The following GRM7 variants were observed in gnomAD, a reference collection of about 807,000 sequenced individuals.
GRM7 encodes the protein metabotropic glutamate receptor 7.
In GRM7, 35 loss-of-function variants were observed where a neutral mutation model predicts 84.5. That is an observed-to-expected ratio of 0.41 (90% CI 0.32 to 0.55). The LOEUF is 0.55. Among genes scored for constraint, GRM7 ranks in the 20% least tolerant of loss-of-function variants. The pLI is 0.19. For missense variants in GRM7, 1,003 were observed against 1,194.6 expected (o/e 0.84, Z 2.36); for synonymous variants, 487 against 455.1 (o/e 1.07, Z -0.89).
At chr3:7,175,691 T>C (rs1222178308) in intron 2 of GRM7, among the ~76,000 whole-genome samples, 2 of 152,038 alleles carry the variant, frequency 1.3e-5, no homozygotes, top group Non-Finnish European at 2.9e-5. Flanking sequence ...GCAGGTGCCA[T>C]CACTCCTAGC....
At chr3:7,186,129 GCTGA>G (rs1022805224) in intron 2 of GRM7, among the ~76,000 whole-genome samples, 2 of 152,204 alleles carry the variant, frequency 1.3e-5, no homozygotes, top group Non-Finnish European at 2.9e-5. Flanking sequence ...TCTACAGTGA[GCTGA>G]CTGTGTAAAC....
intron 1 of GRM7, among the ~76,000 whole-genome samples, chr3:6,887,520 G>A (rs979264621): frequency 2.6e-5 from 4 of 152,108 alleles, no homozygotes; most frequent in African/African-American, 4.8e-5. Flanking sequence ...TGAGAATGAT[G>A]ATTTCCAATT....
chr3:7,088,785 A>G (rs1425634443), intron 1 of GRM7, among the ~76,000 whole-genome samples: 2 of 150,214 alleles, frequency 1.3e-5, no homozygotes, highest in East Asian at 3.9e-4. Context: ...CAAAGATTTA[A>G]GGATTCACAA....
intron 4 of GRM7, among the ~76,000 whole-genome samples, chr3:7,361,462 C>G (rs1693660925): frequency 1.3e-5 from 2 of 152,086 alleles, no homozygotes; most frequent in South Asian, 2.1e-4. Context: ...TAGTTTCATT[C>G]CTGTTCTTTT....
chr3:7,516,476 C>CAAAAAAAAAAA (rs34508559), intron 7 of GRM7, among the ~76,000 whole-genome samples: 7 of 42,472 alleles, frequency 1.6e-4, no homozygotes, highest in Non-Finnish European at 2.7e-4. Context: ...GACTCCCTCT[C>CAAAAAAAAAAA]AAAAAAAAAA....
intron 8 of GRM7, among the ~76,000 whole-genome samples, chr3:7,644,231 T>C (rs1698518497): frequency 1.3e-5 from 2 of 148,408 alleles, no homozygotes; most frequent in Admixed American, 6.8e-5. Context: ...TGTGTGTGTC[T>C]GTACATATAT....
intron 1 of GRM7, among the ~76,000 whole-genome samples, chr3:6,977,366 T>A (rs888491499): frequency 6.6e-5 from 10 of 151,378 alleles, no homozygotes; most frequent in African/African-American, 2.4e-4. Flanking sequence ...TGTGTTTGTC[T>A]GTGTGTGTGT....
chr3:7,185,602 G>T (rs1005902988), intron 2 of GRM7, among the ~76,000 whole-genome samples: 1 of 152,102 alleles, frequency 6.6e-6, no homozygotes, highest in Non-Finnish European at 1.5e-5. Context: ...ATGTTGTCTA[G>T]GCACCCTTCT....
chr3:7,702,087 C>T (rs1424497942), intron 9 of GRM7, among the ~76,000 whole-genome samples: 1 of 152,170 alleles, frequency 6.6e-6, no homozygotes, highest in Non-Finnish European at 1.5e-5. Flanking sequence ...CTTCTTCAAC[C>T]TAGAGGCAGG....
chr3:6,925,374 C>T (rs1230938380), intron 1 of GRM7, among the ~76,000 whole-genome samples: 1 of 152,158 alleles, frequency 6.6e-6, no homozygotes, highest in Non-Finnish European at 1.5e-5. Context: ...CAGCACCCTT[C>T]TCAAAAGAGT....
intron 2 of GRM7, among the ~76,000 whole-genome samples, chr3:7,200,660 G>A (rs1234558329): frequency 1.3e-5 from 2 of 152,144 alleles, no homozygotes; most frequent in Non-Finnish European, 2.9e-5. Context: ...GGTCTGAGGT[G>A]GAGCATGAGA....
At chr3:7,676,792 TG>T (rs1389856763) in intron 8 of GRM7, among the ~76,000 whole-genome samples, 4 of 152,218 alleles carry the variant, frequency 2.6e-5, no homozygotes, top group African/African-American at 9.6e-5. Context: ...TATTGTAACA[TG>T]CTGTAAAGGT....
chr3:7,604,160 C>T (rs1415767571), intron 8 of GRM7, among the ~76,000 whole-genome samples: 1 of 151,158 alleles, frequency 6.6e-6, no homozygotes, highest in Non-Finnish European at 1.5e-5. Flanking sequence ...GCATAACTTT[C>T]CATTGGAGAT....
At chr3:7,417,769 C>G (rs927091311) in intron 5 of GRM7, among the ~76,000 whole-genome samples, 2 of 152,010 alleles carry the variant, frequency 1.3e-5, no homozygotes, top group Admixed American at 6.6e-5. Flanking sequence ...AAAATGTAGG[C>G]CATTTTTTTT....
intron 1 of GRM7, among the ~76,000 whole-genome samples, chr3:7,137,795 G>A (rs918250966): frequency 6.6e-6 from 1 of 152,006 alleles, no homozygotes; most frequent in African/African-American, 2.4e-5. Context: ...CTCTTCATTG[G>A]AACGTCATTA....
chr3:7,130,880 C>G (rs1693572458), intron 1 of GRM7, among the ~76,000 whole-genome samples: 1 of 152,042 alleles, frequency 6.6e-6, no homozygotes. Flanking sequence ...GGGAACCTAC[C>G]AGGCTACTCC....
At chr3:7,041,320 C>A (rs566754280) in intron 1 of GRM7, among the ~76,000 whole-genome samples, 18 of 152,164 alleles carry the variant, frequency 1.2e-4, no homozygotes, top group Non-Finnish European at 2.6e-4. Flanking sequence ...TCCCAGGCAA[C>A]CACTGATCCA....
chr3:7,346,014 T>A (rs1383040277), intron 4 of GRM7, among the ~76,000 whole-genome samples: 2 of 152,140 alleles, frequency 1.3e-5, no homozygotes, highest in Admixed American at 1.3e-4. Flanking sequence ...ATATACTGAT[T>A]TCAGATTGCA....
chr3:7,088,126 G>A (rs997358878), intron 1 of GRM7, among the ~76,000 whole-genome samples: 15 of 151,472 alleles, frequency 9.9e-5, no homozygotes, highest in African/African-American at 2.9e-4. Context: ...ATGAACCTGC[G>A]GATGATCCAT....
Sources: gnomAD v4.1 joint callset for allele counts (sites outside exome capture counted in the v4.1 genomes callset) on GRCh38, gnomAD v4.1.1 for gene constraint, MANE v1.5 for transcripts, NCBI Gene and HGNC (gene_info 2026-07-23, HGNC 2026-07-21) for gene names.